The following SLC3A2 variants were observed in gnomAD, a reference collection of about 807,000 sequenced individuals.
The protein encoded by SLC3A2 is solute carrier family 3 member 2.
SLC3A2 carries 32 observed loss-of-function variants against 48.5 expected under a neutral mutation model. The observed-to-expected ratio is 0.66, with a 90% CI of 0.50 to 0.89. SLC3A2 has a LOEUF of 0.89. SLC3A2 is among the 40% of genes least tolerant of loss of function. The probability of loss-of-function intolerance (pLI) is 0.00; values close to 1 mark genes in which losing one functional copy is unlikely to be tolerated. For synonymous variants in SLC3A2, 277 were observed against 288.8 expected (o/e 0.96, Z 0.41); for missense variants, 587 against 680.7 (o/e 0.86, Z 1.53).
In SLC3A2 at chr11:62,881,483, G is replaced by A. The variant is rs779565768; in HGVS notation, c.424+36G>A. ...CGCGCCCCCGTCCCGGGTACCTCCG[G>A]TTGAATCTGGTGGCTTGCACCGACC... On this transcript the variant is annotated intron_variant, in intron 1 of 8. Coordinates refer to ENST00000338663, the MANE Select transcript of SLC3A2 (RefSeq NM_001013251.3). The surrounding 1 kb of genome is among the most constrained non-coding windows in gnomAD (Gnocchi z 4.0). The A allele has an allele frequency of 1.8e-5, 27 of 1,531,926 alleles. No individual in the cohort carries two copies. The East Asian group carries it at 4.1e-4, about 23-fold the overall frequency. 94.9% of individuals were successfully genotyped at this position (1,531,926 alleles called of 1,614,324 possible).
At chr11:62,878,699 G>A (rs367594983), upstream of SLC3A2, among the ~76,000 whole-genome samples, 358 of 147,744 alleles carry the variant, frequency 2.4e-3, no homozygotes, top group Non-Finnish European at 2.7e-3. Context: ...GGATGGTCTC[G>A]GTCTCCTGAC....
chr11:62,871,906 T>C (rs2085521422), intron 1 of SLC3A2, among the ~76,000 whole-genome samples: 1 of 151,444 alleles, frequency 6.6e-6, no homozygotes. Context: ...AAATCTTTAT[T>C]TTATTATTAT....
chr11:62,860,644 C>T (rs2134971704), intron 1 of SLC3A2, among the ~76,000 whole-genome samples: 1 of 152,266 alleles, frequency 6.6e-6, no homozygotes, highest in South Asian at 2.1e-4. Flanking sequence ...TTTCACTAAT[C>T]CTTCTCAGCA....
intron 5 of SLC3A2, 118 bp from the exon 6 acceptor site, chr11:62,885,059 G>A (rs2085691501): frequency 1.8e-6 from 2 of 1,094,562 alleles, no homozygotes; most frequent in African/African-American, 3.1e-5. Flanking sequence ...TCGAACTCCT[G>A]ACCTCAAGTG....
At chr11:62,873,763 G>A (rs1440046649) in intron 1 of SLC3A2, among the ~76,000 whole-genome samples, 1 of 151,974 alleles carries the variant, frequency 6.6e-6, no homozygotes, top group African/African-American at 2.4e-5. Flanking sequence ...ATGGCACCTG[G>A]CCAGGCTCAT....
intron 1 of SLC3A2, among the ~76,000 whole-genome samples, chr11:62,866,076 T>C (rs1829446482): frequency 1.3e-5 from 2 of 152,064 alleles, no homozygotes; most frequent in South Asian, 4.1e-4. Context: ...CATAGTACAG[T>C]ATAGTACGTA....
At chr11:62,870,887 T>C (rs2085508928) in intron 1 of SLC3A2, 1 of 186,144 alleles carries the variant, frequency 5.4e-6, no homozygotes, top group Non-Finnish European at 1.0e-5. Context: ...ATTATTATTA[T>C]TATTATTTGA....
chr11:62,879,316 C>T (rs371191591), upstream of SLC3A2, among the ~76,000 whole-genome samples: 3 of 152,044 alleles, frequency 2.0e-5, no homozygotes, highest in East Asian at 1.9e-4. Flanking sequence ...TATGTTGCCC[C>T]GTCTGGTCTT....
Position 62,885,606 on chromosome 11 carries a change from C to T in SLC3A2, c.1141C>T (p.Gln381Ter). The T allele has an allele frequency of 6.2e-7, 1 of 1,614,080 alleles. No individual in the cohort carries two copies. The highest frequency in any genetic ancestry group is 8.5e-7 in the Non-Finnish European group (1 of 1,179,962). Residue 381 changes from glutamine (Q) to a stop codon, truncating the protein, a stop_gained and splice_region_variant, in exon 7 of 9, where the codon CAG becomes TAG. Coordinates refer to ENST00000338663, the MANE Select transcript of SLC3A2 (RefSeq NM_001013251.3). LOFTEE classifies it high-confidence loss of function. ...CCTGGATGCAGCTGCCCTTCCTGGA[C>T]AGGTACTGCTTGCTGTCTTTCTGTC... ...IGLDAAALPG[Q>*]PMEAPVMLWD...
At chr11:62,879,523 C>T (rs1044751345), upstream of SLC3A2, among the ~76,000 whole-genome samples, 1 of 152,212 alleles carries the variant, frequency 6.6e-6, no homozygotes, top group Non-Finnish European at 1.5e-5. Context: ...TCTGAACCCA[C>T]TTGCTTGCCT....
chr11:62,888,144 G>C lies in SLC3A2; in HGVS notation c.1153G>C (p.Ala385Pro). The C allele has an allele frequency of 3.7e-6, 6 of 1,613,548 alleles. No homozygotes were observed. The highest frequency in any genetic ancestry group is 5.1e-6 in the Non-Finnish European group (6 of 1,179,908). ...TTTCTCTGCTTTTCAGCCTATGGAG[G>C]CTCCAGTCATGCTGTGGGATGAGTC... is the stretch of plus-strand genomic sequence containing the variant. Reference protein sequence around the residue: ...AAALPGQPMEAPVMLWDESSF... With the variant: ...AAALPGQPMEPPVMLWDESSF... The change falls in exon 8 of 9, where the codon GCT becomes CCT. Residue 385 changes from alanine to proline, a missense_variant. Transcript: ENST00000338663.
intron 3 of SLC3A2, 52 bp downstream of exon 3, chr11:62,883,051 G>T (rs1007964654): frequency 6.5e-7 from 1 of 1,542,842 alleles, no homozygotes; most frequent in Non-Finnish European, 9.0e-7. Context: ...GGCTGGGACA[G>T]TCCTTTCACA....
At chr11:62,864,438 A>G (rs911033791) in intron 1 of SLC3A2, among the ~76,000 whole-genome samples, 1 of 151,774 alleles carries the variant, frequency 6.6e-6, no homozygotes, top group Non-Finnish European at 1.5e-5. Flanking sequence ...ATAGGCGCGC[A>G]CCAGCACGCC....
At chr11:62,866,821 T>G (rs1286118255) in intron 1 of SLC3A2, among the ~76,000 whole-genome samples, 3 of 152,168 alleles carry the variant, frequency 2.0e-5, no homozygotes, top group African/African-American at 7.2e-5. Flanking sequence ...AAACTTAAAC[T>G]TGCTCATCCT....
upstream of SLC3A2, chr11:62,880,864 C>A: frequency 7.1e-7 from 1 of 1,402,358 alleles, no homozygotes; most frequent in Non-Finnish European, 9.3e-7. Context: ...GGCTCCGCTG[C>A]CCCTTCCCAG....
intron 1 of SLC3A2, among the ~76,000 whole-genome samples, chr11:62,870,275 A>G (rs1231209198): frequency 2.0e-5 from 3 of 148,882 alleles, no homozygotes; most frequent in Non-Finnish European, 3.0e-5. Context: ...TCTGCCTCCC[A>G]GGTTCAAGCT....
Position 62,884,534 on chromosome 11 carries a change from C to A in SLC3A2, c.759+9C>A. 1 of 1,614,200 alleles carries A rather than the reference C, an allele frequency of 6.2e-7. No homozygotes were observed. The highest frequency in any genetic ancestry group is 8.5e-7 in the Non-Finnish European group (1 of 1,180,028). ...ACATAGAGAATCTGAAGGTGAGTTCCCTTTCCACATTAGGGACAAAGCTTG... is the reference window on the plus strand; with the variant it reads ...ACATAGAGAATCTGAAGGTGAGTTCACTTTCCACATTAGGGACAAAGCTTG... On this transcript the variant is annotated intron_variant, in intron 4 of 8. Coordinates refer to ENST00000338663, the MANE Select transcript of SLC3A2 (RefSeq NM_001013251.3).
chr11:62,861,560 G>A (rs184122397), intron 1 of SLC3A2, among the ~76,000 whole-genome samples: 22 of 152,260 alleles, frequency 1.4e-4, no homozygotes, highest in African/African-American at 4.8e-4. Flanking sequence ...TGGCTTCCTG[G>A]CTCTGGCTTC....
chr11:62,879,146 C>A (rs566953891), upstream of SLC3A2, among the ~76,000 whole-genome samples: 5 of 152,174 alleles, frequency 3.3e-5, no homozygotes, highest in Non-Finnish European at 5.9e-5. Flanking sequence ...TGGCTCACTG[C>A]AACCTCTACC....
Sources: allele counts gnomAD v4.1 joint callset (sites outside exome capture counted in the v4.1 genomes callset), GRCh38; gene constraint gnomAD v4.1.1; non-coding constraint Gnocchi (gnomAD v3.1); transcripts MANE v1.5; gene names NCBI Gene and HGNC (gene_info 2026-07-23, HGNC 2026-07-21).